The following PSG5 variants were observed in gnomAD, a reference collection of about 807,000 sequenced individuals.
The protein encoded by PSG5 is pregnancy-specific beta-1-glycoprotein 5.
A neutral mutation model predicts 37.7 loss-of-function variants in PSG5; 53 were observed. That is an observed-to-expected ratio of 1.41 (90% CI 1.13 to 1.77). The LOEUF is 1.77. Ranked by LOEUF, PSG5 falls within the 40% of genes most tolerant of loss-of-function variation. The pLI, the probability that PSG5 is intolerant of heterozygous loss-of-function variation, is 0.00. For synonymous variants in PSG5, 221 were observed against 155.4 expected, an observed-to-expected ratio of 1.42 and a Z score of -3.14; for missense variants, 547 against 405.2, an observed-to-expected ratio of 1.35 and a Z score of -3.00.
intron 5 of PSG5, 31 bp downstream of exon 5, chr19:43,170,024 G>C (rs1968869731): frequency 5.1e-6 from 7 of 1,366,542 alleles, no homozygotes. Flanking sequence ...CAGCCCTGCA[G>C]GAACCAGGAT....
At chr19:43,171,103 A>C (rs1394675442) in intron 4 of PSG5, 1 of 151,674 alleles carries the variant, frequency 6.6e-6, no homozygotes, top group African/African-American at 2.4e-5. Context: ...GTCAGGTAGA[A>C]ATTATTTCCA....
chr19:43,186,206 G>T, intron 1 of PSG5, 136 bp downstream of exon 1: 2 of 1,455,672 alleles, frequency 1.4e-6, no homozygotes, highest in East Asian at 2.3e-5. Context: ...TTGAACTCCT[G>T]ATCTCATAAT....
chr19:43,177,442 C>T (rs1969034252), intron 2 of PSG5, among the ~76,000 whole-genome samples: 1 of 151,214 alleles, frequency 6.6e-6, no homozygotes, highest in South Asian at 2.1e-4. Context: ...CTCCAGTGAG[C>T]ATTTCTTTTC....
At chr19:43,176,482 C>A (rs1437804209) in intron 2 of PSG5, among the ~76,000 whole-genome samples, 1 of 151,556 alleles carries the variant, frequency 6.6e-6, no homozygotes, top group African/African-American at 2.4e-5. Flanking sequence ...CCCTGGGTTC[C>A]TTACCTGGAA....
chr19:43,173,312 T>G (rs1968941477), intron 4 of PSG5, among the ~76,000 whole-genome samples: 1 of 151,712 alleles, frequency 6.6e-6, no homozygotes, highest in Non-Finnish European at 1.5e-5. Context: ...GATTTCTTGG[T>G]TGTAACAACA....
intron 4 of PSG5, chr19:43,171,512 A>G (rs1306280485): frequency 7.4e-6 from 2 of 271,318 alleles, no homozygotes; most frequent in Non-Finnish European, 1.4e-5. Context: ...TGAGGGAAAT[A>G]ATAAGGATTA....
intron 2 of PSG5, chr19:43,183,174 T>G (rs553095233): frequency 1.4e-4 from 36 of 263,082 alleles, no homozygotes; most frequent in Non-Finnish European, 2.2e-4. Context: ...AGGGACCAGC[T>G]GCCCCCAGTT....
At chr19:43,178,688 G>T (rs1599750767) in intron 2 of PSG5, among the ~76,000 whole-genome samples, 2 of 151,796 alleles carry the variant, frequency 1.3e-5, no homozygotes, top group Middle Eastern at 3.4e-3. Flanking sequence ...GACAGGAGCA[G>T]CCTCTTTTCT....
At chr19:43,186,180 G>A (rs1360575193) in intron 1 of PSG5, among the ~76,000 whole-genome samples, 162 bp downstream of exon 1, 1 of 151,210 alleles carries the variant, frequency 6.6e-6, no homozygotes, top group African/African-American at 2.4e-5. Context: ...GCTTCACTGT[G>A]TTGGCAGGAC....
chr19:43,182,708 T>TTATTTTA (rs1245305374), intron 2 of PSG5, among the ~76,000 whole-genome samples: 1 of 112,506 alleles, frequency 8.9e-6, no homozygotes, highest in African/African-American at 3.5e-5. Context: ...TTCAATAATT[T>TTATTTTA]TTTTTTTTTT....
Position 43,184,857 on chromosome 19 carries a change from A to T in PSG5, c.355T>A (p.Ser119Thr), listed in dbSNP as rs773840704. The T allele has an allele frequency of 6.2e-6, 10 of 1,612,390 alleles. No homozygotes were observed. In the East Asian group the frequency reaches 1.8e-4, roughly 29 times the overall value. Residue 119 changes from serine (S) to threonine (T), a missense_variant, in exon 2 of 6, where the codon TCC (serine) becomes ACC (threonine). Physicochemically the swap from Ser to Thr is moderately conservative, Grantham distance 58 (BLOSUM62 1). Coordinates refer to ENST00000342951, the MANE Select transcript of PSG5 (RefSeq NM_002781.4). ...CGCTTTATGATGTGTAAGGTGTAGG[A>T]TCCTGCGTCTTCCCGGGTGACATTC... ...IQNVTREDAGSYTLHIIKRGD... is the reference protein window; with the variant it reads ...IQNVTREDAGTYTLHIIKRGD...
At chr19:43,173,919 T>A (rs1273520114) in intron 4 of PSG5, among the ~76,000 whole-genome samples, 2 of 151,624 alleles carry the variant, frequency 1.3e-5, no homozygotes, top group African/African-American at 4.9e-5. Flanking sequence ...TACACTGATG[T>A]TCAGAGAAGC....
Position 43,167,796 on chromosome 19 carries a change from T to A in PSG5, c.*448A>T, listed in dbSNP as rs1071699. ...TAAACATATGAATACTCATGAATAGTTTCCCAATTCTGGGGCACTCAGATA... is the reference window on the plus strand; with the variant it reads ...TAAACATATGAATACTCATGAATAGATTCCCAATTCTGGGGCACTCAGATA... On this transcript the variant is annotated 3_prime_UTR_variant, in exon 6 of 6. Transcript: ENST00000342951. 2 of 226,060 alleles carry A rather than the reference T, an allele frequency of 8.8e-6. No homozygotes were observed. Among genetic ancestry groups the A allele is most frequent in the East Asian group, 8.5e-5 (1 of 11,758 alleles). 14.0% of individuals were successfully genotyped at this position (226,060 alleles called of 1,614,324 possible).
chr19:43,172,111 G>A (rs1968919783), intron 4 of PSG5, among the ~76,000 whole-genome samples: 1 of 150,844 alleles, frequency 6.6e-6, no homozygotes, highest in African/African-American at 2.4e-5. Flanking sequence ...AGATGAAATA[G>A]ACAAACTCCT....
chr19:43,179,051 C>T lies in PSG5; in HGVS notation c.431-2903G>A, dbSNP rs770047352. 1.1e-5 allele frequency: 17 copies of T among 1,612,598 alleles called. No individual in the cohort carries two copies. In the Admixed American group the frequency reaches 1.7e-4, roughly 16 times the overall value. On this transcript the variant is annotated intron_variant, in intron 2 of 5. Coordinates refer to ENST00000342951, the MANE Select transcript of PSG5 (RefSeq NM_002781.4). ...GGAGGCTCTGACCATTCATCCACCA[C>T]AGGTAGCTTGTGTCTGAAGCCGCAG...
In PSG5 at chr19:43,175,989, A is replaced by T. The variant is rs551665696; in HGVS notation, c.590T>A (p.Ile197Asn). 1.9e-6 allele frequency: 3 copies of T among 1,611,458 alleles called. No homozygotes were observed. Among genetic ancestry groups the T allele is most frequent in the African/African-American group, 1.3e-5 (1 of 74,408 alleles). Residue 197 changes from isoleucine (I) to asparagine (N), a missense_variant, in exon 3 of 6, where the codon ATT (isoleucine) becomes AAT (asparagine). Physicochemically the swap from Ile to Asn is moderately radical, Grantham distance 149. Transcript: ENST00000342951. ...GGGTAGAATGAGGATCCTGTTTTCA[A>T]TGGGTCGCTTTACCCTGGGACTGAC... Reference protein sequence around the residue: ...LPVSPRVKRPIENRILILPSV... With the variant: ...LPVSPRVKRPNENRILILPSV...
chr19:43,178,360 A>G (rs186012012), intron 2 of PSG5, among the ~76,000 whole-genome samples: 2 of 151,850 alleles, frequency 1.3e-5, no homozygotes, highest in African/African-American at 2.4e-5. Flanking sequence ...GGAACTTCCC[A>G]TCAATCAGCC....
chr19:43,172,583 A>G (rs1183824903), intron 4 of PSG5, among the ~76,000 whole-genome samples: 1 of 151,762 alleles, frequency 6.6e-6, no homozygotes, highest in Non-Finnish European at 1.5e-5. Flanking sequence ...TCAATACACT[A>G]AACATGAACA....
In PSG5 at chr19:43,176,249, A is replaced by C. The variant is rs183886910; in HGVS notation, c.431-101T>G. ...GGCATCTCCCACCTGTCAACCCACC[A>C]GAGTCCTTGAAAGCCAGTAGCTGAT... On this transcript the variant is annotated intron_variant, in intron 2 of 5. Transcript: ENST00000342951. 3.8e-4 allele frequency: 584 copies of C among 1,537,558 alleles called. 14 individuals carry two copies. In the East Asian group the frequency reaches 8.2e-3, roughly 21 times the overall value.
Sources: gnomAD v4.1 joint callset for allele counts (sites outside exome capture counted in the v4.1 genomes callset) on GRCh38, gnomAD v4.1.1 for gene constraint, MANE v1.5 for transcripts, NCBI Gene and HGNC (gene_info 2026-07-23, HGNC 2026-07-21) for gene names.